The following RORB variants were observed in gnomAD, a reference collection of about 807,000 sequenced individuals.
RORB encodes the protein nuclear receptor ROR-beta.
In RORB, 6 loss-of-function variants were observed where a neutral mutation model predicts 59.1. That is an observed-to-expected ratio of 0.10 (90% CI 0.06 to 0.20). RORB has a LOEUF of 0.20. Ranked by LOEUF, RORB falls within the 10% of genes least tolerant of loss-of-function variation. The pLI, the probability that RORB is intolerant of heterozygous loss-of-function variation, is 1.00. For synonymous variants in RORB, 215 were observed against 204.5 expected (o/e 1.05, Z -0.44); for missense variants, 320 against 560.5 (o/e 0.57, Z 4.33).
chr9:74,525,950 A>G (rs958916644), intron 1 of RORB, among the ~76,000 whole-genome samples: 3 of 151,970 alleles, frequency 2.0e-5, no homozygotes, highest in East Asian at 1.9e-4. Context: ...CAAAATGACT[A>G]GTTAGAAAAT....
intron 3 of RORB, among the ~76,000 whole-genome samples, chr9:74,640,402 C>T (rs1823780806): frequency 6.6e-6 from 1 of 151,596 alleles, no homozygotes. Flanking sequence ...CCACCACGCC[C>T]ACAAGCACAT....
chr9:74,607,292 C>T (rs1044876555), intron 1 of RORB, among the ~76,000 whole-genome samples: 2 of 152,102 alleles, frequency 1.3e-5, no homozygotes, highest in Non-Finnish European at 2.9e-5. Flanking sequence ...ATGGTGTCTC[C>T]TCCACTCAGG....
chr9:74,619,488 G>A (rs2118380343), intron 1 of RORB, among the ~76,000 whole-genome samples: 1 of 152,310 alleles, frequency 6.6e-6, no homozygotes, highest in South Asian at 2.1e-4. Flanking sequence ...GTCTTACTCT[G>A]TCGCCCAGGC....
In RORB at chr9:74,676,145, A is replaced by G. The variant is rs368158887; in HGVS notation, c.1224+4244A>G. ...GTCCTCAGATGCATGGGTCTAGCCC[A>G]TTCCCAAATGCAGCCTACAGGTCAG... On this transcript the variant is annotated intron_variant, in intron 9 of 9. Coordinates refer to ENST00000376896, the MANE Select transcript of RORB (RefSeq NM_006914.4). Among the ~76,000 whole-genome samples the G allele has an allele frequency of 6.2e-4, 95 of 152,326 alleles. 1 individual carries two copies. Among genetic ancestry groups the G allele is most frequent in the African/African-American group, 2.0e-3 (84 of 41,588 alleles).
At chr9:74,613,237 G>A (rs1823260183) in intron 1 of RORB, among the ~76,000 whole-genome samples, 1 of 152,158 alleles carries the variant, frequency 6.6e-6, no homozygotes, top group South Asian at 2.1e-4. Context: ...ATGACTTAAT[G>A]AGTGTTACAA....
chr9:74,653,678 G>T (rs144392298), intron 4 of RORB, among the ~76,000 whole-genome samples: 55 of 152,200 alleles, frequency 3.6e-4, no homozygotes, highest in African/African-American at 1.2e-3. Context: ...TAATAACACC[G>T]AAAGCAGCAG....
rs1563964547 is a variant in RORB, at chr9:74,651,688, T to G, written c.637+8873T>G. Among the ~76,000 whole-genome samples, 3 of 152,260 alleles carry G rather than the reference T, an allele frequency of 2.0e-5. No individual in the cohort carries two copies. The East Asian group carries it at 5.8e-4, about 29-fold the overall frequency. On this transcript the variant is annotated intron_variant, in intron 4 of 9. Transcript: ENST00000376896. ...AACTGAGTTAAATAGGTTAAGCGACTTCCCCAAAAGCACAAACTAAAAGAC... is the reference window on the plus strand; with the variant it reads ...AACTGAGTTAAATAGGTTAAGCGACGTCCCCAAAAGCACAAACTAAAAGAC...
At chr9:74,501,131 C>T (rs1459621741) in intron 1 of RORB, among the ~76,000 whole-genome samples, 1 of 152,136 alleles carries the variant, frequency 6.6e-6, no homozygotes, top group African/African-American at 2.4e-5. Flanking sequence ...CCTGCCTCCA[C>T]GGAAAACCCT....
chr9:74,666,381 A>T (rs752436669), intron 7 of RORB, among the ~76,000 whole-genome samples: 5 of 151,690 alleles, frequency 3.3e-5, no homozygotes, highest in Non-Finnish European at 7.4e-5. Context: ...AGATTGCTTG[A>T]CCCTGGGAGA....
At chr9:74,608,550 T>C (rs1301052252) in intron 1 of RORB, among the ~76,000 whole-genome samples, 1 of 125,212 alleles carries the variant, frequency 8.0e-6, no homozygotes, top group Non-Finnish European at 1.6e-5. Flanking sequence ...GGCAACAGAG[T>C]GAGACTCCGT....
chr9:74,641,246 G>A (rs1823800084), intron 3 of RORB, among the ~76,000 whole-genome samples: 1 of 152,162 alleles, frequency 6.6e-6, no homozygotes, highest in Admixed American at 6.5e-5. Context: ...GACAACCTGT[G>A]AGGAGAAATG....
chr9:74,671,273 A>G (rs1171465088), intron 8 of RORB, among the ~76,000 whole-genome samples: 1 of 152,202 alleles, frequency 6.6e-6, no homozygotes, highest in African/African-American at 2.4e-5. Flanking sequence ...TAAGAATTCA[A>G]TATAGGAAAA....
chr9:74,598,923 C>A (rs966127982), intron 1 of RORB, among the ~76,000 whole-genome samples: 61 of 152,226 alleles, frequency 4.0e-4, no homozygotes, highest in Admixed American at 9.2e-4. Flanking sequence ...AAGAGAGGAC[C>A]AAACCAGAAG....
rs573715109 is a variant in RORB at position 74,679,153 on chromosome 9, A to T, written c.1225-6310A>T. Among the ~76,000 whole-genome samples the T allele has an allele frequency of 4.6e-5, 7 of 152,214 alleles. No homozygotes were observed. In the East Asian group the frequency reaches 1.4e-3, roughly 29 times the overall value. The stretch of plus-strand genomic sequence containing the variant: ...GGACTAGAGATTTGGGTTCACTTTC[A>T]TCTTAAATAGCACAGTCTGACTAAT... On this transcript the variant is annotated intron_variant, in intron 9 of 9. Transcript: ENST00000376896.
chr9:74,552,588 T>C (rs1482261122), intron 1 of RORB, among the ~76,000 whole-genome samples: 3 of 152,226 alleles, frequency 2.0e-5, no homozygotes, highest in East Asian at 3.9e-4. Context: ...TAGTTCAACG[T>C]AGGGTCATGT....
intron 1 of RORB, among the ~76,000 whole-genome samples, chr9:74,510,851 A>C (rs1290125722): frequency 1.3e-5 from 2 of 152,228 alleles, no homozygotes; most frequent in Non-Finnish European, 2.9e-5. Context: ...TAAAGAATGC[A>C]AACAGAATGA....
chr9:74,560,580 A>G (rs1191568308), intron 1 of RORB, among the ~76,000 whole-genome samples: 1 of 152,050 alleles, frequency 6.6e-6, no homozygotes, highest in Non-Finnish European at 1.5e-5. Context: ...ATATCTTTCC[A>G]AAGAGAGACC....
chr9:74,538,801 A>T (rs150145557), intron 1 of RORB, among the ~76,000 whole-genome samples: 78 of 151,986 alleles, frequency 5.1e-4, no homozygotes, highest in African/African-American at 1.9e-3. Context: ...AATTAAGAGC[A>T]TCGTCTTTAG....
At chr9:74,629,634 T>A (rs921023172) in intron 1 of RORB, among the ~76,000 whole-genome samples, 4 of 152,160 alleles carry the variant, frequency 2.6e-5, no homozygotes, top group Non-Finnish European at 4.4e-5. Context: ...TTTGGTACCC[T>A]CATAATTTAT....
Sources: allele counts gnomAD v4.1 joint callset (sites outside exome capture counted in the v4.1 genomes callset), GRCh38; gene constraint gnomAD v4.1.1; transcripts MANE v1.5; gene names NCBI Gene and HGNC (gene_info 2026-07-23, HGNC 2026-07-21).